The following WWOX variants were observed in gnomAD, a reference collection of about 807,000 sequenced individuals.
WWOX encodes WW domain-containing oxidoreductase.
In WWOX, 69 loss-of-function variants were observed where a neutral mutation model predicts 46.2. The observed-to-expected ratio is 1.49, with a 90% confidence interval of 1.23 to 1.82. WWOX has a LOEUF of 1.82. Ranked by LOEUF, WWOX falls within the 40% of genes most tolerant of loss-of-function variation. The probability of loss-of-function intolerance (pLI) is 0.00; values close to 1 mark genes in which losing one functional copy is unlikely to be tolerated. For synonymous variants in WWOX, 359 were observed against 202.6 expected (o/e 1.77, Z -6.56); for missense variants, 919 against 542.6 (o/e 1.69, Z -6.89).
At chr16:78,545,846 T>G in intron 8 of WWOX, among the ~76,000 whole-genome samples, 1 of 152,180 alleles carries the variant, frequency 6.6e-6, no homozygotes, top group East Asian at 1.9e-4. Flanking sequence ...TCCGTCTGTT[T>G]CTTGGTGCAC....
intron 5 of WWOX, among the ~76,000 whole-genome samples, chr16:78,292,403 A>G (rs953965768): frequency 1.3e-5 from 2 of 152,216 alleles, no homozygotes; most frequent in African/African-American, 4.8e-5. Flanking sequence ...TCTGTTTCCA[A>G]ACATGTTTGA....
intron 8 of WWOX, among the ~76,000 whole-genome samples, chr16:78,618,482 C>A (rs1400583840): frequency 2.0e-5 from 3 of 152,234 alleles, no homozygotes; most frequent in East Asian, 1.9e-4. Flanking sequence ...CTTATGGCCT[C>A]TTCTTGTGAG....
intron 8 of WWOX, among the ~76,000 whole-genome samples, chr16:78,796,996 T>A (rs894273226): frequency 2.6e-5 from 4 of 152,094 alleles, no homozygotes; most frequent in African/African-American, 7.2e-5. Flanking sequence ...TGGCTAATTT[T>A]TGTATTTTTA....
intron 8 of WWOX, among the ~76,000 whole-genome samples, chr16:78,922,301 G>A (rs549681833): frequency 6.6e-6 from 1 of 151,954 alleles, no homozygotes; most frequent in Non-Finnish European, 1.5e-5. Context: ...CACATTAAGA[G>A]TCTCCAGAGT....
At chr16:78,797,737 C>A (rs867662289) in intron 8 of WWOX, among the ~76,000 whole-genome samples, 2 of 152,188 alleles carry the variant, frequency 1.3e-5, no homozygotes, top group African/African-American at 4.8e-5. Context: ...CCTGTAATCC[C>A]AGCACTTTGG....
intron 8 of WWOX, among the ~76,000 whole-genome samples, chr16:79,105,761 C>T (rs2049296276): frequency 1.3e-5 from 2 of 151,768 alleles, no homozygotes; most frequent in African/African-American, 4.8e-5. Flanking sequence ...CTCCTGGATG[C>T]CAGCAATCCT....
chr16:78,975,799 G>C (rs2046560446), intron 8 of WWOX, among the ~76,000 whole-genome samples: 1 of 152,104 alleles, frequency 6.6e-6, no homozygotes, highest in Non-Finnish European at 1.5e-5. Flanking sequence ...AATTCTGCCA[G>C]GCCCTTGGAG....
intron 8 of WWOX, among the ~76,000 whole-genome samples, chr16:78,930,372 G>A (rs1335052112): frequency 6.7e-6 from 1 of 150,304 alleles, no homozygotes; most frequent in African/African-American, 2.5e-5. Flanking sequence ...CAACCTCCTG[G>A]GCTCAGGCGA....
intron 5 of WWOX, among the ~76,000 whole-genome samples, chr16:78,309,118 G>A (rs763306648): frequency 2.0e-5 from 3 of 152,080 alleles, no homozygotes; most frequent in African/African-American, 7.2e-5. Flanking sequence ...ATATGGTTTG[G>A]CTGCATCCCC....
intron 5 of WWOX, among the ~76,000 whole-genome samples, chr16:78,243,242 T>C (rs2037715290): frequency 6.6e-6 from 1 of 152,206 alleles, no homozygotes; most frequent in Admixed American, 6.5e-5. Flanking sequence ...GAGGTAATAG[T>C]GTATCTACTA....
Position 78,518,321 on chromosome 16 carries a change from T to C in WWOX, c.1056+85569T>C, listed in dbSNP as rs538333938. ...ATCTCAACTCACCGCAGCCTCCGCC[T>C]CCTGGGATCAAGTGATTCTCCTGCC... On this transcript the variant is annotated intron_variant, in intron 8 of 8. Coordinates refer to ENST00000566780, the MANE Select transcript of WWOX (RefSeq NM_016373.4). Among the ~76,000 whole-genome samples, 484 of 152,252 alleles carry C rather than the reference T, an allele frequency of 3.2e-3. 5 individuals are homozygous for C. Among genetic ancestry groups the C allele is most frequent in the African/African-American group, 0.011 (452 of 41,554 alleles).
intron 8 of WWOX, among the ~76,000 whole-genome samples, chr16:78,541,889 G>A (rs2043905411): frequency 6.6e-6 from 1 of 151,688 alleles, no homozygotes; most frequent in South Asian, 2.1e-4. Flanking sequence ...TTTGTAATAT[G>A]AAAAATAAAA....
intron 5 of WWOX, among the ~76,000 whole-genome samples, chr16:78,385,586 C>T (rs928696698): frequency 6.6e-6 from 1 of 152,166 alleles, no homozygotes; most frequent in Non-Finnish European, 1.5e-5. Flanking sequence ...GAGCCCAGGA[C>T]TTGGCAGCCA....
chr16:78,825,622 G>T, intron 8 of WWOX: 2 of 521,328 alleles, frequency 3.8e-6, no homozygotes, highest in South Asian at 1.5e-5. Context: ...CTTACTGTGC[G>T]GAGGGCCTGC....
chr16:78,737,027 A>G (rs929451618), intron 8 of WWOX, among the ~76,000 whole-genome samples: 125 of 152,260 alleles, frequency 8.2e-4, no homozygotes, highest in African/African-American at 3.0e-3. Flanking sequence ...GGCCCTTGAA[A>G]TAATTACATT....
chr16:78,114,825 A>T (rs1257537991), intron 3 of WWOX, 151 bp from the exon 4 acceptor site: 8 of 932,492 alleles, frequency 8.6e-6, no homozygotes, highest in Non-Finnish European at 1.3e-5. Flanking sequence ...GGAGGCCAGA[A>T]GATAGATTCA....
rs142430367 is a variant in WWOX, at chr16:79,172,402, A to T, written c.1057-39206A>T. On this transcript the variant is annotated intron_variant, in intron 8 of 8. Coordinates refer to ENST00000566780, the MANE Select transcript of WWOX (RefSeq NM_016373.4). ...TTTAAACCTGTATCTGAGTCACTTC[A>T]ATGCCTTGTGTTTCTGCTCTGGGCT... 2.9e-3 allele frequency among the ~76,000 whole-genome samples: 443 copies of T among 152,236 alleles called. 1 individual carries two copies. Among genetic ancestry groups the T allele is most frequent in the South Asian group, 7.7e-3 (37 of 4,828 alleles).
chr16:79,170,933 T>C (rs1258045843), intron 8 of WWOX, among the ~76,000 whole-genome samples: 1 of 152,224 alleles, frequency 6.6e-6, no homozygotes, highest in Non-Finnish European at 1.5e-5. Flanking sequence ...AAATTTTTAA[T>C]ACATTGACTT....
intron 6 of WWOX, among the ~76,000 whole-genome samples, chr16:78,395,914 T>C (rs2082274823): frequency 6.6e-6 from 1 of 152,254 alleles, no homozygotes; most frequent in South Asian, 2.1e-4. Flanking sequence ...CTCTTGATTT[T>C]AGGCATCTTT....
Sources: allele counts gnomAD v4.1 joint callset (sites outside exome capture counted in the v4.1 genomes callset), GRCh38; gene constraint gnomAD v4.1.1; transcripts MANE v1.5; gene names NCBI Gene and HGNC (gene_info 2026-07-23, HGNC 2026-07-21).